Variants in DCC observed in about 807,000 individuals in gnomAD.
DCC encodes DCC netrin 1 receptor, also known as netrin receptor DCC.
A neutral mutation model predicts 172.5 loss-of-function variants in DCC; 58 were observed. The ratio of observed to expected loss-of-function variants is 0.34; its 90% CI spans 0.27 to 0.42. DCC has a LOEUF of 0.42. Among genes scored for constraint, DCC ranks in the 10% least tolerant of loss-of-function variants. The probability of loss-of-function intolerance (pLI) is 1.00; values close to 1 mark genes in which losing one functional copy is unlikely to be tolerated. For missense variants in DCC, 1,740 were observed against 1,791.0 expected (o/e 0.97, Z 0.51); for synonymous variants, 709 against 644.5 (o/e 1.10, Z -1.52).
chr18:53,416,541 C>T, intron 21 of DCC: 1 of 280,820 alleles, frequency 3.6e-6, no homozygotes, highest in East Asian at 8.1e-5. Flanking sequence ...TGTAGCTCTA[C>T]AGAGAAAACC....
intron 1 of DCC, among the ~76,000 whole-genome samples, chr18:52,373,375 T>C (rs868338538): frequency 6.6e-6 from 1 of 152,202 alleles, no homozygotes; most frequent in Non-Finnish European, 1.5e-5. Flanking sequence ...CACAAATAAG[T>C]AGTGCCCACA....
At chr18:52,878,654 T>G (rs953376175) in intron 2 of DCC, among the ~76,000 whole-genome samples, 2 of 152,222 alleles carry the variant, frequency 1.3e-5, no homozygotes, top group Admixed American at 6.5e-5. Flanking sequence ...TCTCACATGT[T>G]ATTTTTACTT....
At chr18:53,093,681 C>T (rs1372105899) in intron 7 of DCC, among the ~76,000 whole-genome samples, 1 of 152,186 alleles carries the variant, frequency 6.6e-6, no homozygotes, top group African/African-American at 2.4e-5. Context: ...AGTGCAGCTG[C>T]TATGGCACAT....
intron 12 of DCC, among the ~76,000 whole-genome samples, chr18:53,249,247 T>A (rs1238417537): frequency 2.0e-5 from 3 of 152,038 alleles, no homozygotes; most frequent in African/African-American, 7.2e-5. Flanking sequence ...AGTATGTGTT[T>A]TTTTTATTTG....
chr18:52,539,896 A>T (rs1036846334), intron 1 of DCC, among the ~76,000 whole-genome samples: 1 of 152,186 alleles, frequency 6.6e-6, no homozygotes, highest in East Asian at 1.9e-4. Flanking sequence ...AAAATAAACA[A>T]CAACAACAAA....
At chr18:52,379,468 G>A (rs1004365032) in intron 1 of DCC, among the ~76,000 whole-genome samples, 6 of 151,996 alleles carry the variant, frequency 3.9e-5, no homozygotes, top group Non-Finnish European at 8.8e-5. Context: ...TATTTAATTT[G>A]TTCTGTTGTT....
chr18:53,152,115 CTAA>C (rs2054651371), intron 7 of DCC, among the ~76,000 whole-genome samples: 1 of 152,172 alleles, frequency 6.6e-6, no homozygotes, highest in South Asian at 2.1e-4. Context: ...AAGATGCAGA[CTAA>C]TAAAGCAGAT....
intron 5 of DCC, among the ~76,000 whole-genome samples, chr18:53,025,900 G>A (rs1199838851): frequency 1.3e-5 from 2 of 151,132 alleles, no homozygotes; most frequent in Admixed American, 1.3e-4. Context: ...AAAATGTGGT[G>A]TAAAATAAAT....
At chr18:52,341,587 C>T (rs1435872158) in intron 1 of DCC, among the ~76,000 whole-genome samples, 4 of 152,166 alleles carry the variant, frequency 2.6e-5, no homozygotes, top group African/African-American at 7.2e-5. Flanking sequence ...AGAGAACCGG[C>T]GCCCTGACCC....
chr18:53,002,578 T>C (rs1364107946), intron 5 of DCC, among the ~76,000 whole-genome samples: 1 of 152,140 alleles, frequency 6.6e-6, no homozygotes, highest in Non-Finnish European at 1.5e-5. Flanking sequence ...TCATTTCTGA[T>C]TAAACACCAC....
chr18:53,215,464 C>T (rs1318882173), intron 11 of DCC, 84 bp from the exon 12 acceptor site: 1 of 1,130,330 alleles, frequency 8.8e-7, no homozygotes, highest in African/African-American at 1.5e-5. Flanking sequence ...ATAAACAAAA[C>T]CACACTCTCT....
At chr18:52,634,542 T>G (rs1315045777) in intron 1 of DCC, among the ~76,000 whole-genome samples, 1 of 152,102 alleles carries the variant, frequency 6.6e-6, no homozygotes, top group Non-Finnish European at 1.5e-5. Flanking sequence ...ACGAGAAAAA[T>G]AACTTATAAA....
intron 7 of DCC, among the ~76,000 whole-genome samples, chr18:53,126,438 A>T (rs2043558542): frequency 6.6e-6 from 1 of 152,164 alleles, no homozygotes; most frequent in Admixed American, 6.5e-5. Context: ...CATGGAAATT[A>T]GGTATTTCAT....
chr18:52,463,078 G>A (rs60691100), intron 1 of DCC, among the ~76,000 whole-genome samples: 24 of 152,282 alleles, frequency 1.6e-4, no homozygotes, highest in African/African-American at 5.1e-4. Flanking sequence ...CATACTTACC[G>A]TAATAGCTGC....
At chr18:53,300,993 T>TTTCTTTCTTTC (rs1295331909) in intron 12 of DCC, among the ~76,000 whole-genome samples, 1 of 11,388 alleles carries the variant, frequency 8.8e-5, no homozygotes, top group African/African-American at 1.6e-4. Flanking sequence ...TTCTTTCTTT[T>TTTCTTTCTTTC]TTTTTCTTTT....
chr18:52,867,031 C>G lies in DCC; in HGVS notation c.413-39013C>G, dbSNP rs572918838. On this transcript the variant is annotated intron_variant, in intron 2 of 28. Coordinates refer to ENST00000442544, the MANE Select transcript of DCC (RefSeq NM_005215.4). ...GGCTGTGAGTCTGTCATAAATAGCT[C>G]TTATTATTTTGAGATACATTCCATC... Among the ~76,000 whole-genome samples, 931 of 152,170 alleles carry G rather than the reference C, an allele frequency of 6.1e-3. 6 individuals carry two copies. The highest frequency in any genetic ancestry group is 0.01 in the Non-Finnish European group (697 of 68,006).
At chr18:52,602,667 G>A (rs747585939) in intron 1 of DCC, among the ~76,000 whole-genome samples, 2 of 150,620 alleles carry the variant, frequency 1.3e-5, no homozygotes, top group African/African-American at 2.4e-5. Context: ...AAGGAATTAC[G>A]GTGCAAATAC....
rs189101062 is a variant in DCC, at chr18:52,581,440, T to C, written c.92-170614T>C. On this transcript the variant is annotated intron_variant, in intron 1 of 28. Transcript: ENST00000442544. ...TCTGTATAAGAGATTATTATATTTA[T>C]TTTTACTCCCCATAGCACTGAAGCT... 1.3e-3 allele frequency among the ~76,000 whole-genome samples: 195 copies of C among 152,294 alleles called. 1 individual carries two copies. Among genetic ancestry groups the C allele is most frequent in the Non-Finnish European group, 2.9e-4 (20 of 68,022 alleles).
At chr18:53,087,036 G>A (rs370679842) in intron 7 of DCC, among the ~76,000 whole-genome samples, 2 of 151,728 alleles carry the variant, frequency 1.3e-5, no homozygotes, top group Non-Finnish European at 2.9e-5. Context: ...AGTCTTTGCT[G>A]TTGTGAATAG....
Sources: allele counts gnomAD v4.1 joint callset (sites outside exome capture counted in the v4.1 genomes callset), GRCh38; gene constraint gnomAD v4.1.1; transcripts MANE v1.5; gene names NCBI Gene and HGNC (gene_info 2026-07-23, HGNC 2026-07-21).